ANKFN1: variants seen among roughly 807,000 people sequenced by gnomAD.
The protein encoded by ANKFN1 is ankyrin repeat and fibronectin type-III domain-containing protein 1.
In ANKFN1, 74 loss-of-function variants were observed where a neutral mutation model predicts 108.7. The ratio of observed to expected loss-of-function variants is 0.68; its 90% CI spans 0.56 to 0.83. The LOEUF (loss-of-function observed/expected upper bound fraction) is 0.83, where lower values mean the gene tolerates loss of function less well. ANKFN1 is among the 40% of genes least tolerant of loss of function. ANKFN1 has a pLI of 0.00. For missense variants in ANKFN1, 1,505 were observed against 1,382.3 expected (o/e 1.09, Z -1.41); for synonymous variants, 547 against 516.2 (o/e 1.06, Z -0.81).
chr17:56,222,491 A>G (rs1915957345), intron 2 of ANKFN1, among the ~76,000 whole-genome samples: 1 of 152,220 alleles, frequency 6.6e-6, no homozygotes, highest in Non-Finnish European at 1.5e-5. Flanking sequence ...CACAATCAGA[A>G]CAGGTGGCTG....
In ANKFN1 at chr17:56,354,592, C is replaced by T. The variant is rs965383002; in HGVS notation, c.601+546C>T. On this transcript the variant is annotated intron_variant, in intron 6 of 20. Coordinates refer to ENST00000682825, the MANE Select transcript of ANKFN1 (RefSeq NM_001370326.1). ...AATACAAACTCAAAATAGTGATAAA[C>T]GCTGTGAAGAAAATAAAATGGATGA... Among the ~76,000 whole-genome samples the T allele has an allele frequency of 1.6e-4, 25 of 152,060 alleles. 1 individual carries two copies. Among genetic ancestry groups the T allele is most frequent in the Admixed American group, 3.3e-4 (5 of 15,266 alleles).
At chr17:56,219,554 T>C (rs1028447247) in intron 2 of ANKFN1, among the ~76,000 whole-genome samples, 11 of 152,144 alleles carry the variant, frequency 7.2e-5, no homozygotes, top group African/African-American at 2.7e-4. Flanking sequence ...ATCAATATAA[T>C]TGTTTTGATA....
At chr17:56,188,377 A>AG (rs1266920330) in intron 1 of ANKFN1, among the ~76,000 whole-genome samples, 1 of 151,614 alleles carries the variant, frequency 6.6e-6, no homozygotes, top group East Asian at 1.9e-4. Flanking sequence ...TCTTCCTTCT[A>AG]GGGGGTTTAA....
chr17:56,387,860 T>C (rs1216386078), intron 8 of ANKFN1, among the ~76,000 whole-genome samples: 1 of 152,188 alleles, frequency 6.6e-6, no homozygotes, highest in Non-Finnish European at 1.5e-5. Context: ...ACATTTGCAA[T>C]GCATTTGTCT....
In ANKFN1 at chr17:56,259,553, G is replaced by T. The variant is rs546733949; in HGVS notation, c.53+31596G>T. On this transcript the variant is annotated intron_variant, in intron 3 of 20. Coordinates refer to ENST00000682825, the MANE Select transcript of ANKFN1 (RefSeq NM_001370326.1). ...TCCTCCATAAAATGAAAAGGTTGGG[G>T]TAGGGAGGTGTTCCCAGTAGAATGA... is the stretch of plus-strand genomic sequence containing the variant. 3.3e-5 allele frequency among the ~76,000 whole-genome samples: 5 copies of T among 152,192 alleles called. No homozygotes were observed. The East Asian group carries it at 9.7e-4, about 29-fold the overall frequency.
intron 8 of ANKFN1, among the ~76,000 whole-genome samples, chr17:56,382,669 T>G (rs1026199591): frequency 1.6e-4 from 25 of 152,132 alleles, no homozygotes; most frequent in African/African-American, 5.3e-4. Context: ...AAAAGGCAGG[T>G]GTTGCAATCC....
At chr17:56,226,254 A>C (rs1357157357) in intron 2 of ANKFN1, among the ~76,000 whole-genome samples, 3 of 152,168 alleles carry the variant, frequency 2.0e-5, no homozygotes, top group Non-Finnish European at 2.9e-5. Context: ...CCAGTTAGTG[A>C]CACATGTGAG....
chr17:56,211,377 T>C (rs1598246154), intron 1 of ANKFN1, among the ~76,000 whole-genome samples: 3 of 152,330 alleles, frequency 2.0e-5, no homozygotes, highest in South Asian at 2.1e-4. Context: ...CCCTACTTTA[T>C]ATTTTTGTTT....
At position 56,312,387 on chromosome 17, in the gene ANKFN1, G is replaced by A. The variant is rs150181900; in HGVS notation, c.54-13834G>A. On this transcript the variant is annotated intron_variant, in intron 3 of 20. Coordinates refer to ENST00000682825, the MANE Select transcript of ANKFN1 (RefSeq NM_001370326.1). ...GAGTATAAAAGAAAGCCAATCCCAG[G>A]AGACCTCAGGGTTAGCATCTAGGCA... is the stretch of plus-strand genomic sequence containing the variant. Among the ~76,000 whole-genome samples the A allele has an allele frequency of 5.3e-3, 806 of 152,254 alleles. 8 individuals are homozygous for A. The highest frequency in any genetic ancestry group is 0.018 in the African/African-American group (759 of 41,518).
intron 10 of ANKFN1, 77 bp from the exon 11 acceptor site, chr17:56,449,002 C>T (rs1361364240): frequency 7.8e-7 from 1 of 1,280,468 alleles, no homozygotes; most frequent in Non-Finnish European, 1.1e-6. Flanking sequence ...GAGCAAAACT[C>T]CGGCTCCTGA....
rs1598477200 is a variant in ANKFN1, at chr17:56,372,710, G to A, written c.666G>A (p.Val222=). The A allele has an allele frequency of 6.2e-7, 1 of 1,614,026 alleles. No homozygotes were observed. Among genetic ancestry groups the A allele is most frequent in the Admixed American group, 1.7e-5 (1 of 60,006 alleles). Residue 222 remains valine, a synonymous_variant, in exon 7 of 21, where the codon GTG becomes GTA. Transcript: ENST00000682825. ...NTLVQEAQER[V]SELSAQVENE... is the part of the protein sequence containing the mutation. ...TGGTCCAGGAAGCCCAGGAGAGGGTGAGTGAACTGTCTGCCCAGGTGGAGA... is the reference window on the plus strand; with the variant it reads ...TGGTCCAGGAAGCCCAGGAGAGGGTAAGTGAACTGTCTGCCCAGGTGGAGA...
At chr17:56,125,382 G>T (rs993144340) in intron 4 of ANKFN1, among the ~76,000 whole-genome samples, 1 of 152,152 alleles carries the variant, frequency 6.6e-6, no homozygotes, top group African/African-American at 2.4e-5. Flanking sequence ...AAACCAAAGA[G>T]GTGGAAGAAC....
chr17:56,372,739 A>C lies in ANKFN1; in HGVS notation c.695A>C (p.Glu232Ala), dbSNP rs2046844505. 5 of 1,613,940 alleles carry C rather than the reference A, an allele frequency of 3.1e-6. No homozygotes were observed. Among genetic ancestry groups the C allele is most frequent in the Non-Finnish European group, 3.4e-6 (4 of 1,179,978 alleles). Residue 232 changes from glutamate (E) to alanine (A), a missense_variant, in exon 7 of 21, where the codon GAA becomes GCA. Glu to Ala is a moderately radical substitution (Grantham distance 107). Coordinates refer to ENST00000682825, the MANE Select transcript of ANKFN1 (RefSeq NM_001370326.1). ...VSELSAQVENEGFTLDNTEKE... is the reference protein window; with the variant it reads ...VSELSAQVENAGFTLDNTEKE... The stretch of plus-strand genomic sequence containing the variant: ...GAACTGTCTGCCCAGGTGGAGAATG[A>C]AGGATTCACTCTGGACAACACAGAG...
rs190254199 is a variant in ANKFN1 at position 56,480,109 on chromosome 17, G to C, written c.1941-559G>C. Among the ~76,000 whole-genome samples the C allele has an allele frequency of 3.3e-4, 50 of 152,342 alleles. No individual in the cohort carries two copies. The East Asian group carries it at 6.0e-3, about 18-fold the overall frequency. On this transcript the variant is annotated intron_variant, in intron 16 of 20. Coordinates refer to ENST00000682825, the MANE Select transcript of ANKFN1 (RefSeq NM_001370326.1). ...CTGGTTTGTAAGGAGGATGGAAGCA[G>C]TGATATGCATCCCTTGGTTCCTTAT...
intron 4 of ANKFN1, among the ~76,000 whole-genome samples, chr17:56,129,207 G>A (rs558204638): frequency 6.6e-6 from 1 of 152,232 alleles, no homozygotes; most frequent in East Asian, 1.9e-4. Flanking sequence ...CTAGACTCCT[G>A]TTCTGCATGA....
chr17:56,374,589 C>T lies in ANKFN1; in HGVS notation c.797-12C>T, dbSNP rs777925049. The T allele has an allele frequency of 2.5e-6, 4 of 1,599,456 alleles. No homozygotes were observed. The highest frequency in any genetic ancestry group is 2.6e-6 in the Non-Finnish European group (3 of 1,167,996). ...CTATGTTAAGATCCTTGTGTTTTTC[C>T]TTCTGTCCCAGGAGCCCCTGAGATG... is the stretch of plus-strand genomic sequence containing the variant. On this transcript the variant is annotated splice_polypyrimidine_tract_variant and intron_variant, in intron 7 of 20. Coordinates refer to ENST00000682825, the MANE Select transcript of ANKFN1 (RefSeq NM_001370326.1).
intron 20 of ANKFN1, among the ~76,000 whole-genome samples, chr17:56,506,045 T>A (rs1431971804): frequency 2.4e-5 from 1 of 41,052 alleles, no homozygotes; most frequent in Non-Finnish European, 1.3e-4. Flanking sequence ...ACATTATTTG[T>A]TTTTTTTGTT....
intron 4 of ANKFN1, among the ~76,000 whole-genome samples, chr17:56,347,430 T>G (rs2046134068): frequency 6.6e-6 from 1 of 152,010 alleles, no homozygotes. Context: ...ATGACATGAA[T>G]TCATAGAATT....
intron 4 of ANKFN1, among the ~76,000 whole-genome samples, chr17:56,075,675 A>G (rs1480362064): frequency 1.3e-5 from 2 of 152,190 alleles, no homozygotes; most frequent in Non-Finnish European, 1.5e-5. Flanking sequence ...TCAAAGGCCT[A>G]TTAGTCACAA....
Sources: allele counts gnomAD v4.1 joint callset (sites outside exome capture counted in the v4.1 genomes callset), GRCh38; gene constraint gnomAD v4.1.1; transcripts MANE v1.5; gene names NCBI Gene and HGNC (gene_info 2026-07-23, HGNC 2026-07-21).